RP1L1: variants seen among roughly 807,000 people sequenced by gnomAD.
RP1L1 encodes retinitis pigmentosa 1-like 1 protein.
Under a neutral mutation model 15.7 loss-of-function variants are expected in RP1L1, and 27 were observed. The ratio of observed to expected loss-of-function variants is 1.72; its 90% CI spans 1.27 to 2.38. The LOEUF (loss-of-function observed/expected upper bound fraction) is 2.38. Among genes scored for constraint, RP1L1 ranks in the 30% most tolerant of loss-of-function variants. The pLI, the probability that RP1L1 is intolerant of heterozygous loss-of-function variation, is 0.00. For synonymous variants in RP1L1, 1,813 were observed against 1,276.7 expected (o/e 1.42, Z -8.96); for missense variants, 4,798 against 3,075.9 (o/e 1.56, Z -13.24).
In RP1L1 at chr8:10,653,915, C is replaced by T. The variant is rs780102932; in HGVS notation, c.-20+983G>A. 2.6e-5 allele frequency among the ~76,000 whole-genome samples: 4 copies of T among 152,152 alleles called. No homozygotes were observed. The South Asian group carries it at 6.2e-4, about 24-fold the overall frequency. On this transcript the variant is annotated intron_variant, in intron 1 of 3. Coordinates refer to ENST00000382483, the MANE Select transcript of RP1L1 (RefSeq NM_178857.6). ...GGGAAGGAGTCCTGGTGCCCTCCCG[C>T]GACCTCCTCCAAGCTTCCACCCTGA...
intron 1 of RP1L1, among the ~76,000 whole-genome samples, chr8:10,625,879 C>T (rs1484759840): frequency 1.3e-5 from 2 of 151,828 alleles, no homozygotes; most frequent in African/African-American, 2.4e-5. Context: ...CCAGGGGAGG[C>T]TGAGTCAGTG....
rs201695025 is a variant in RP1L1, at chr8:10,609,234, G to T, written c.4864C>A (p.Arg1622=). Residue 1622 remains arginine (R), a synonymous_variant, in exon 4 of 4, where the codon CGG becomes AGG. Coordinates refer to ENST00000382483, the MANE Select transcript of RP1L1 (RefSeq NM_178857.6). ...GAGAGGGGCCCCAGGCCCAGGGTCCGCTCAGAGAAGGCCGAGAGGTTTCGC... is the reference window on the plus strand; with the variant it reads ...GAGAGGGGCCCCAGGCCCAGGGTCCTCTCAGAGAAGGCCGAGAGGTTTCGC... The part of the protein sequence containing the change: ...GLRNLSAFSE[R]TLGLGPLSFT... 3.1e-6 allele frequency: 5 copies of T among 1,609,004 alleles called. No individual in the cohort carries two copies. The highest frequency in any genetic ancestry group is 1.1e-5 in the South Asian group (1 of 91,052).
At position 10,607,017 on chromosome 8, in the gene RP1L1, T is replaced by C. The variant is rs1418810932; in HGVS notation, c.7081A>G (p.Thr2361Ala). 5.0e-6 allele frequency: 8 copies of C among 1,614,058 alleles called. No individual in the cohort carries two copies. The highest frequency in any genetic ancestry group is 6.8e-6 in the Non-Finnish European group (8 of 1,179,996). Reference sequence around the variant, plus strand: ...CCTTCACTGGCCCCCTGCTCTGGAGTCCTTGAGCCCAAAGGGGCCTCTTCT... The same window carrying C: ...CCTTCACTGGCCCCCTGCTCTGGAGCCCTTGAGCCCAAAGGGGCCTCTTCT... ...EQEEAPLGSR[T>A]PEQGASEGYD... is the part of the protein sequence containing the mutation. The change falls in exon 4 of 4, where the codon ACT becomes GCT. Residue 2361 changes from threonine (T) to alanine (A), a missense_variant. Physicochemically the swap from Thr to Ala is moderately conservative, Grantham distance 58. Transcript: ENST00000382483.
intron 1 of RP1L1, among the ~76,000 whole-genome samples, chr8:10,652,507 C>T (rs1798577704): frequency 6.6e-6 from 1 of 152,084 alleles, no homozygotes; most frequent in Non-Finnish European, 1.5e-5. Context: ...TATAACCAGC[C>T]CCGCAGTATC....
At chr8:10,617,160 C>G (rs892871761) in intron 2 of RP1L1, among the ~76,000 whole-genome samples, 2 of 152,046 alleles carry the variant, frequency 1.3e-5, no homozygotes, top group Non-Finnish European at 2.9e-5. Flanking sequence ...TGACCCTCCC[C>G]AGACCCATCA....
Position 10,612,627 on chromosome 8 carries a change from C to T in RP1L1, c.1471G>A (p.Ala491Thr), listed in dbSNP as rs753530134. The T allele has an allele frequency of 5.0e-6, 8 of 1,602,390 alleles. No individual in the cohort carries two copies. The African/African-American group carries it at 8.0e-5, about 16-fold the overall frequency. ...DSASPSAQIG[A>T]ERKAGGSLGE... ...AGGCTCCCTCCAGCTTTCCGCTCAGCCCCTATCTGGGCAGAGGGGCTGGCA... is the reference window on the plus strand; with the variant it reads ...AGGCTCCCTCCAGCTTTCCGCTCAGTCCCTATCTGGGCAGAGGGGCTGGCA... The change falls in exon 4 of 4, where the codon GCT (alanine) becomes ACT (threonine). Residue 491 changes from alanine to threonine, a missense_variant. Coordinates refer to ENST00000382483, the MANE Select transcript of RP1L1 (RefSeq NM_178857.6).
Position 10,607,915 on chromosome 8 carries a change from T to G in RP1L1, c.6183A>C (p.Glu2061Asp). The change falls in exon 4 of 4, where the codon GAA (glutamate) becomes GAC (aspartate). Residue 2061 changes from glutamate (E) to aspartate (D), a missense_variant. Physicochemically the swap from Glu to Asp is conservative, Grantham distance 45. Transcript: ENST00000382483. Reference protein sequence around the residue: ...ESDGVEAPEAEEEAQEAEGEV... With the variant: ...ESDGVEAPEADEEAQEAEGEV... ...CCCCTTCAGCCTCCTGTGCCTCCTCTTCTGCCTCCGGGGCCTCTACACCGT... is the reference window on the plus strand; with the variant it reads ...CCCCTTCAGCCTCCTGTGCCTCCTCGTCTGCCTCCGGGGCCTCTACACCGT... The G allele has an allele frequency of 6.3e-7, 1 of 1,596,818 alleles. No homozygotes were observed. The highest frequency in any genetic ancestry group is 8.5e-7 in the Non-Finnish European group (1 of 1,170,534).
chr8:10,616,138 G>C (rs563658013), intron 3 of RP1L1, among the ~76,000 whole-genome samples: 17 of 152,110 alleles, frequency 1.1e-4, no homozygotes, highest in African/African-American at 3.6e-4. Context: ...CCAACTCCTA[G>C]ACTCAAGCTA....
chr8:10,613,281 G>A lies in RP1L1; in HGVS notation c.817C>T (p.Arg273Trp), dbSNP rs767430743. The stretch of plus-strand genomic sequence containing the variant: ...CTAGGACCAGGCCTTTCTGGCAGCC[G>A]TGGCGTGCTGCCTGGCGGAGACCGC... ...HSRSPPGSTP[R>W]LPERPGPSNP... The change falls in exon 4 of 4, where the codon CGG becomes TGG. Residue 273 changes from arginine to tryptophan, a missense_variant. Coordinates refer to ENST00000382483, the MANE Select transcript of RP1L1 (RefSeq NM_178857.6). 10 of 1,606,934 alleles carry A rather than the reference G, an allele frequency of 6.2e-6. No homozygotes were observed. The highest frequency in any genetic ancestry group is 2.7e-5 in the African/African-American group (2 of 74,948).
chr8:10,652,760 C>G (rs1001339481), intron 1 of RP1L1, among the ~76,000 whole-genome samples: 7 of 152,160 alleles, frequency 4.6e-5, no homozygotes. Flanking sequence ...TCTGAGCCCA[C>G]GTCCCCCCTG....
rs1330759464 is a variant in RP1L1 at position 10,611,361 on chromosome 8, C to T, written c.2737G>A (p.Ala913Thr). Residue 913 changes from alanine (A) to threonine (T), a missense_variant, in exon 4 of 4, where the codon GCC becomes ACC. Ala to Thr is a moderately conservative substitution (Grantham distance 58). Coordinates refer to ENST00000382483, the MANE Select transcript of RP1L1 (RefSeq NM_178857.6). ...PNSGASRRSS[A>T]SQGAGSRGLS... is the part of the protein sequence containing the mutation. ...CCCCGAGACCCCGCACCCTGGCTGGCACTGCTTCTCCTTGATGCCCCTGAA... is the reference window on the plus strand; with the variant it reads ...CCCCGAGACCCCGCACCCTGGCTGGTACTGCTTCTCCTTGATGCCCCTGAA... The T allele has an allele frequency of 6.2e-7, 1 of 1,610,870 alleles. No individual in the cohort carries two copies. The highest frequency in any genetic ancestry group is 1.7e-5 in the Admixed American group (1 of 59,882).
intron 1 of RP1L1, among the ~76,000 whole-genome samples, chr8:10,649,283 C>A (rs987685734): frequency 6.6e-6 from 1 of 152,228 alleles, no homozygotes; most frequent in Non-Finnish European, 1.5e-5. Flanking sequence ...ATGGCCATTA[C>A]AGTTTCTTAG....
chr8:10,612,983 T>C lies in RP1L1; in HGVS notation c.1115A>G (p.Tyr372Cys), dbSNP rs764080101. The change falls in exon 4 of 4, where the codon TAC (tyrosine) becomes TGC (cysteine). Residue 372 changes from tyrosine (Y) to cysteine (C), a missense_variant. Transcript: ENST00000382483. The part of the protein sequence containing the change: ...VDPLCCVWEG[Y>C]PWGFSEPGVW... Reference sequence around the variant, plus strand: ...CCCAGGCTCTGAGAAGCCCCAAGGGTAGCCCTCCCACACACAGCAGAGGGG... The same window carrying C: ...CCCAGGCTCTGAGAAGCCCCAAGGGCAGCCCTCCCACACACAGCAGAGGGG... 5 of 1,612,984 alleles carry C rather than the reference T, an allele frequency of 3.1e-6. No homozygotes were observed. Among genetic ancestry groups the C allele is most frequent in the Non-Finnish European group, 4.2e-6 (5 of 1,179,874 alleles).
intron 1 of RP1L1, among the ~76,000 whole-genome samples, chr8:10,628,712 C>T (rs1462919256): frequency 6.6e-6 from 1 of 152,152 alleles, no homozygotes; most frequent in African/African-American, 2.4e-5. Flanking sequence ...ATGATAGTTC[C>T]CGTTCTGTCT....
intron 1 of RP1L1, among the ~76,000 whole-genome samples, chr8:10,638,634 G>C (rs1798364150): frequency 1.3e-5 from 2 of 152,162 alleles, no homozygotes; most frequent in South Asian, 2.1e-4. Context: ...ATAGTCACTT[G>C]ATCTACTTGA....
rs1563123391 is a variant in RP1L1, at chr8:10,610,812, G to GGC, written c.3284_3285dup (p.Arg1096AlafsTer45). ...GACACTTCGGGCACGCTGCTGGGCC[G>GGC]GCCCTGCTTGGAGCCCATCAGCGCC... On this transcript the variant is annotated frameshift_variant, in exon 4 of 4. Transcript: ENST00000382483. LOFTEE classifies it low-confidence loss of function (END_TRUNC). The GGC allele has an allele frequency of 1.9e-6, 3 of 1,608,756 alleles. No homozygotes were observed. Among genetic ancestry groups the GGC allele is most frequent in the Non-Finnish European group, 2.5e-6 (3 of 1,176,846 alleles).
At chr8:10,628,856 C>A (rs1585986889) in intron 1 of RP1L1, among the ~76,000 whole-genome samples, 1 of 152,264 alleles carries the variant, frequency 6.6e-6, no homozygotes, top group East Asian at 1.9e-4. Context: ...CCTGTCCATC[C>A]CCCACAAACA....
rs190895978 is a variant in RP1L1 at position 10,631,834 on chromosome 8, A to T, written c.-19-8614T>A. Among the ~76,000 whole-genome samples, 485 of 152,286 alleles carry T rather than the reference A, an allele frequency of 3.2e-3. 5 individuals are homozygous for T. The highest frequency in any genetic ancestry group is 6.8e-3 in the Middle Eastern group (2 of 294). The stretch of plus-strand genomic sequence containing the variant: ...TCCTGGGGGGCTCTCCACGGCGGGG[A>T]AGACACTGCCAGGCAAGGTCTGGAT... On this transcript the variant is annotated intron_variant, in intron 1 of 3. Transcript: ENST00000382483.
chr8:10,613,275 G>T lies in RP1L1; in HGVS notation c.823C>A (p.Pro275Thr), dbSNP rs1563126267. The change falls in exon 4 of 4, where the codon CCA (proline) becomes ACA (threonine). Residue 275 changes from proline (P) to threonine (T), a missense_variant. Coordinates refer to ENST00000382483, the MANE Select transcript of RP1L1 (RefSeq NM_178857.6). Reference protein sequence around the residue: ...RSPPGSTPRLPERPGPSNPPV... With the variant: ...RSPPGSTPRLTERPGPSNPPV... ...GGGTTGCTAGGACCAGGCCTTTCTG[G>T]CAGCCGTGGCGTGCTGCCTGGCGGA... 6.2e-7 allele frequency: 1 copy of T among 1,608,114 alleles called. No individual in the cohort carries two copies.
Sources: allele counts gnomAD v4.1 joint callset (sites outside exome capture counted in the v4.1 genomes callset), GRCh38; gene constraint gnomAD v4.1.1; transcripts MANE v1.5; gene names NCBI Gene and HGNC (gene_info 2026-07-23, HGNC 2026-07-21).